RORA: variants seen among roughly 807,000 people sequenced by gnomAD.
RORA encodes RAR related orphan receptor A.
RORA carries 7 observed loss-of-function variants against 69.5 expected under a neutral mutation model. The ratio of observed to expected loss-of-function variants is 0.10; its 90% CI spans 0.06 to 0.19. The LOEUF (loss-of-function observed/expected upper bound fraction) is 0.19, where lower values mean the gene tolerates loss of function less well. Among genes scored for constraint, RORA ranks in the 10% least tolerant of loss-of-function variants. The pLI is 1.00. For missense variants in RORA, 457 were observed against 663.0 expected (o/e 0.69, Z 3.41); for synonymous variants, 261 against 240.8 (o/e 1.08, Z -0.78).
intron 1 of RORA, among the ~76,000 whole-genome samples, chr15:60,786,862 G>A (rs1411977565): frequency 6.6e-6 from 1 of 152,220 alleles, no homozygotes; most frequent in African/African-American, 2.4e-5. Context: ...TCTTTCTGGA[G>A]TCTCAGCTCG....
chr15:60,728,752 G>T (rs2071394662), intron 1 of RORA, among the ~76,000 whole-genome samples: 1 of 152,086 alleles, frequency 6.6e-6, no homozygotes, highest in Non-Finnish European at 1.5e-5. Flanking sequence ...AACACCTAAA[G>T]GTGAGCCAGG....
chr15:60,568,491 G>T (rs554273996), intron 2 of RORA, among the ~76,000 whole-genome samples: 1 of 152,068 alleles, frequency 6.6e-6, no homozygotes, highest in Non-Finnish European at 1.5e-5. Context: ...TGCATACCCC[G>T]GCTCAGTGTG....
At chr15:61,108,560 T>C (rs938049746) in intron 1 of RORA, among the ~76,000 whole-genome samples, 17 of 152,218 alleles carry the variant, frequency 1.1e-4, no homozygotes, top group African/African-American at 3.6e-4. Context: ...AAAGACCACA[T>C]TGCCTGCAAA....
At chr15:61,079,745 C>T (rs2140651381) in intron 1 of RORA, among the ~76,000 whole-genome samples, 1 of 152,316 alleles carries the variant, frequency 6.6e-6, no homozygotes, top group South Asian at 2.1e-4. Flanking sequence ...TAACCCTTGC[C>T]CTTATCCACA....
chr15:61,009,716 G>A (rs1322246928), intron 1 of RORA, among the ~76,000 whole-genome samples: 1 of 152,192 alleles, frequency 6.6e-6, no homozygotes, highest in Non-Finnish European at 1.5e-5. Flanking sequence ...TGTAAGTAAT[G>A]TCAAAGCTCT....
intron 1 of RORA, among the ~76,000 whole-genome samples, chr15:61,018,854 G>C (rs1290102044): frequency 2.0e-5 from 3 of 152,030 alleles, no homozygotes; most frequent in Admixed American, 2.0e-4. Flanking sequence ...CTCTGCCAAG[G>C]CACACATTAA....
chr15:60,561,243 G>A (rs1004065119), intron 2 of RORA, among the ~76,000 whole-genome samples: 3 of 151,270 alleles, frequency 2.0e-5, no homozygotes, highest in Non-Finnish European at 4.4e-5. Context: ...TACCACGCCC[G>A]GCTAATTTTT....
chr15:60,699,843 A>AT (rs1272873445), intron 1 of RORA, among the ~76,000 whole-genome samples: 1 of 151,286 alleles, frequency 6.6e-6, no homozygotes, highest in African/African-American at 2.4e-5. Context: ...GGCTGATTCT[A>AT]TTAAAAAAAA....
intron 1 of RORA, among the ~76,000 whole-genome samples, chr15:61,202,400 T>G (rs1458347681): frequency 2.0e-5 from 3 of 152,166 alleles, no homozygotes; most frequent in African/African-American, 4.8e-5. Context: ...ATTCAGTAGG[T>G]CTGGGCCTCA....
At chr15:60,858,724 C>CAT (rs2073406602) in intron 1 of RORA, among the ~76,000 whole-genome samples, 2 of 150,398 alleles carry the variant, frequency 1.3e-5, no homozygotes, top group African/African-American at 5.0e-5. Flanking sequence ...CACACACACA[C>CAT]AAAAGCACAA....
intron 1 of RORA, among the ~76,000 whole-genome samples, chr15:60,788,670 AGCACCACGGG>A (rs2072374304): frequency 6.6e-6 from 1 of 152,118 alleles, no homozygotes; most frequent in African/African-American, 2.4e-5. Flanking sequence ...CACAGTCATC[AGCACCACGGG>A]GCTGATTGCT....
At chr15:60,993,804 T>C (rs1439431085) in intron 1 of RORA, among the ~76,000 whole-genome samples, 1 of 152,156 alleles carries the variant, frequency 6.6e-6, no homozygotes, top group Non-Finnish European at 1.5e-5. Context: ...TCATTTGGTA[T>C]TCTTAGACAC....
At chr15:60,892,948 AAC>A (rs1172952371) in intron 1 of RORA, among the ~76,000 whole-genome samples, 6 of 152,202 alleles carry the variant, frequency 3.9e-5, no homozygotes, top group Admixed American at 2.6e-4. Context: ...AATGGTGAGA[AAC>A]ACATAACATT....
intron 1 of RORA, among the ~76,000 whole-genome samples, chr15:61,031,510 T>C (rs760788257): frequency 1.3e-5 from 2 of 152,190 alleles, no homozygotes; most frequent in Admixed American, 6.5e-5. Flanking sequence ...TTTTGTACTA[T>C]GTGGTTGTGT....
In RORA at chr15:60,815,674, A is replaced by T. The variant is rs1222806869; in HGVS notation, c.167-136988T>A. ...CACCCTCCCTGCCCCGCCACCACTT[A>T]CTTCCACCGGCTCCCCTTGGCTCTT... On this transcript the variant is annotated intron_variant, in intron 1 of 10. Transcript: ENST00000335670. Among the ~76,000 whole-genome samples, 7 of 145,988 alleles carry T rather than the reference A, an allele frequency of 4.8e-5. 1 individual carries two copies. In the South Asian group the frequency reaches 1.3e-3, roughly 27 times the overall value.
In RORA at chr15:61,128,756, T is replaced by C. The variant is rs1262888361; in HGVS notation, c.166+100297A>G. Among the ~76,000 whole-genome samples the C allele has an allele frequency of 1.3e-5, 2 of 152,138 alleles. No individual in the cohort carries two copies. The highest frequency in any genetic ancestry group is 4.8e-5 in the African/African-American group (2 of 41,432). On this transcript the variant is annotated intron_variant, in intron 1 of 10. Coordinates refer to ENST00000335670, the MANE Select transcript of RORA (RefSeq NM_134261.3). This position sits in a 1 kb window ranked among gnomAD's most constrained non-coding sequence, Gnocchi z 4.5. ...GGGAGTAAAAGCAGATCACAAAGGA[T>C]CTAGTGTCTCAGAACACAACCAAAT...
At chr15:61,040,905 A>T (rs1301818867) in intron 1 of RORA, among the ~76,000 whole-genome samples, 2 of 152,234 alleles carry the variant, frequency 1.3e-5, no homozygotes, top group African/African-American at 4.8e-5. Context: ...CAGAAACCAA[A>T]AGCAACTATA....
intron 1 of RORA, among the ~76,000 whole-genome samples, chr15:60,980,791 T>C (rs1010992950): frequency 3.3e-5 from 5 of 152,174 alleles, no homozygotes; most frequent in African/African-American, 1.2e-4. Context: ...TAGCTAAAGG[T>C]TTGTCAATTT....
At chr15:60,896,013 G>T (rs993390709) in intron 1 of RORA, among the ~76,000 whole-genome samples, 2 of 152,150 alleles carry the variant, frequency 1.3e-5, no homozygotes, top group African/African-American at 4.8e-5. Context: ...ATCAGTAAAG[G>T]GTCATCTTAT....
Sources: allele counts gnomAD v4.1 joint callset (sites outside exome capture counted in the v4.1 genomes callset), GRCh38; gene constraint gnomAD v4.1.1; non-coding constraint Gnocchi (gnomAD v3.1); transcripts MANE v1.5; gene names NCBI Gene and HGNC (gene_info 2026-07-23, HGNC 2026-07-21).